IRF4: variants seen among roughly 807,000 people sequenced by gnomAD.
IRF4 encodes the protein lymphocyte-specific interferon regulatory factor.
A neutral mutation model predicts 55.5 loss-of-function variants in IRF4; 13 were observed. The ratio of observed to expected loss-of-function variants is 0.23; its 90% confidence interval spans 0.15 to 0.37. The LOEUF (loss-of-function observed/expected upper bound fraction) is 0.37. Among genes scored for constraint, IRF4 ranks in the 10% least tolerant of loss-of-function variants. IRF4 has a pLI of 1.00. For missense variants in IRF4, 397 were observed against 593.8 expected (o/e 0.67, Z 3.44); for synonymous variants, 249 against 240.7 (o/e 1.03, Z -0.32).
At chr6:397,602 T>C (rs1433421610) in intron 5 of IRF4, 3 of 219,666 alleles carry the variant, frequency 1.4e-5, no homozygotes, top group Non-Finnish European at 1.8e-5. Flanking sequence ...TGAGCTGGTA[T>C]ATTTCTCTCG....
chr6:396,203 A>T (rs913034322), intron 4 of IRF4: 1 of 473,430 alleles, frequency 2.1e-6, no homozygotes, highest in Non-Finnish European at 3.8e-6. Flanking sequence ...GTTTTGTGGA[A>T]GTGGAAGATT....
At chr6:398,175 T>C (rs1761315714) in intron 5 of IRF4, among the ~76,000 whole-genome samples, 1 of 152,222 alleles carries the variant, frequency 6.6e-6, no homozygotes, top group African/African-American at 2.4e-5. Context: ...CTCCTGAAAT[T>C]CAGACTTGCG....
chr6:408,477 C>A lies in IRF4; in HGVS notation c.*879C>A, dbSNP rs1001397458. The A allele has an allele frequency of 2.6e-5, 6 of 229,780 alleles. No homozygotes were observed. The highest frequency in any genetic ancestry group is 2.3e-4 in the Admixed American group (4 of 17,626). The allele number at this position is 229,780 out of a possible 1,614,324, so 14.2% of individuals were successfully genotyped here. A position where few individuals can be genotyped will look rare whatever the true frequency, so the allele number is the denominator to read the frequency against. On this transcript the variant is annotated 3_prime_UTR_variant, in exon 9 of 9. Coordinates refer to ENST00000380956, the MANE Select transcript of IRF4 (RefSeq NM_002460.4). ...CTTGAGTCAAAAAACATGAGCGCTACTCTTGGATGGGACATTTTTGTCTGT... is the reference window on the plus strand; with the variant it reads ...CTTGAGTCAAAAAACATGAGCGCTAATCTTGGATGGGACATTTTTGTCTGT...
chr6:393,779 C>A lies in IRF4; in HGVS notation c.216+411C>A, dbSNP rs1029157111. ...CTCCGTGCGTCCGCGCCTGTGCCGG[C>A]GGCTGTTTTCGTCTCTCACCGCGTC... is the stretch of plus-strand genomic sequence containing the variant. On this transcript the variant is annotated intron_variant, in intron 2 of 8. Coordinates refer to ENST00000380956, the MANE Select transcript of IRF4 (RefSeq NM_002460.4). This position sits in a 1 kb window ranked among gnomAD's most constrained non-coding sequence, Gnocchi z 5.4. Among the ~76,000 whole-genome samples the A allele has an allele frequency of 6.6e-6, 1 of 152,202 alleles. No individual in the cohort carries two copies. The highest frequency in any genetic ancestry group is 2.4e-5 in the African/African-American group (1 of 41,438).
Position 401,695 on chromosome 6 carries a change from C to G in IRF4, c.1017C>G (p.Pro339=), listed in dbSNP as rs2127440246. The stretch of plus-strand genomic sequence containing the variant: ...AGAGCAGGATCTACTGGGACGGGCC[C>G]CTGGCGCTGTGCAACGACCGGCCCA... ...LCQSRIYWDG[P]LALCNDRPNK... is the part of the protein sequence containing the mutation. The change falls in exon 7 of 9, where the codon CCC becomes CCG. Residue 339 remains proline, a synonymous_variant. Transcript: ENST00000380956. 6.2e-7 allele frequency: 1 copy of G among 1,614,228 alleles called. No homozygotes were observed. Among genetic ancestry groups the G allele is most frequent in the Non-Finnish European group, 8.5e-7 (1 of 1,180,046 alleles).
At position 411,334 on chromosome 6, in the gene IRF4, C is replaced by A. The variant is rs1287201207; in HGVS notation, c.*3736C>A. 2 of 220,088 alleles carry A rather than the reference C, an allele frequency of 9.1e-6. No homozygotes were observed. The highest frequency in any genetic ancestry group is 1.8e-5 in the Non-Finnish European group (2 of 109,680). 13.6% of individuals were successfully genotyped at this position (220,088 alleles called of 1,614,324 possible). On this transcript the variant is annotated 3_prime_UTR_variant, in exon 9 of 9. Transcript: ENST00000380956. ...ACAAACTGAGGTAGATAATGCTATGCTGTCGTTGGTATACATCATGAATTT... is the reference window on the plus strand; with the variant it reads ...ACAAACTGAGGTAGATAATGCTATGATGTCGTTGGTATACATCATGAATTT...
chr6:394,027 C>T (rs1484836626), intron 2 of IRF4, among the ~76,000 whole-genome samples: 1 of 152,194 alleles, frequency 6.6e-6, no homozygotes, highest in Non-Finnish European at 1.5e-5. Flanking sequence ...ACACGTGTGT[C>T]GTTGTTACGA....
rs1408206247 is a variant in IRF4 at position 409,152 on chromosome 6, A to G, written c.*1554A>G. ...TTTTAAATTCATTCAACAAGCACCT[A>G]GTAAGTGCCTGCTGTATCCCTACAT... On this transcript the variant is annotated 3_prime_UTR_variant, in exon 9 of 9. Coordinates refer to ENST00000380956, the MANE Select transcript of IRF4 (RefSeq NM_002460.4). 2 of 210,224 alleles carry G rather than the reference A, an allele frequency of 9.5e-6. No homozygotes were observed. The allele number at this position is 210,224 out of a possible 1,614,324, so 13.0% of individuals were successfully genotyped here. A position where few individuals can be genotyped will look rare whatever the true frequency, so the allele number is the denominator to read the frequency against.
rs1561722785 is a variant in IRF4, at chr6:409,962, T to G, written c.*2364T>G. 4.4e-6 allele frequency: 1 copy of G among 229,592 alleles called. No homozygotes were observed. Among genetic ancestry groups the G allele is most frequent in the East Asian group, 6.2e-5 (1 of 16,230 alleles). The allele number at this position is 229,592 out of a possible 1,614,324, so 14.2% of individuals were successfully genotyped here. A position where few individuals can be genotyped will look rare whatever the true frequency, so the allele number is the denominator to read the frequency against. ...ATGCTTCTTGGCTGGGGCCACTACC[T>G]CCTTTCCTATCTTTACATCTATGTG... On this transcript the variant is annotated 3_prime_UTR_variant, in exon 9 of 9. Coordinates refer to ENST00000380956, the MANE Select transcript of IRF4 (RefSeq NM_002460.4).
chr6:393,152 C>A lies in IRF4; in HGVS notation c.-1C>A. 1 of 1,548,644 alleles carries A rather than the reference C, an allele frequency of 6.5e-7. No individual in the cohort carries two copies. The highest frequency in any genetic ancestry group is 8.7e-7 in the Non-Finnish European group (1 of 1,146,010). ...GCGCGGGCGCGGACGGCACGCGGGG[C>A]ATGAACCTGGAGGGCGGCGGCCGAG... On this transcript the variant is annotated 5_prime_UTR_variant, in exon 2 of 9. Transcript: ENST00000380956. This position sits in a 1 kb window ranked among gnomAD's most constrained non-coding sequence, Gnocchi z 5.4.
Position 408,357 on chromosome 6 carries a change from G to A in IRF4, c.*759G>A, listed in dbSNP as rs537580541. On this transcript the variant is annotated 3_prime_UTR_variant, in exon 9 of 9. Coordinates refer to ENST00000380956, the MANE Select transcript of IRF4 (RefSeq NM_002460.4). ...GGAGGCCCATCCCCCACCTGCCAGC[G>A]GTTTCCTGGTGTGGGTCCCTCTGCC... 4.3e-6 allele frequency: 1 copy of A among 231,752 alleles called. No homozygotes were observed. The highest frequency in any genetic ancestry group is 2.2e-5 in the African/African-American group (1 of 45,346). 14.4% of individuals were successfully genotyped at this position (231,752 alleles called of 1,614,324 possible). A position where few individuals can be genotyped will look rare whatever the true frequency, so the allele number is the denominator to read the frequency against.
In IRF4 at chr6:407,552, C is replaced by T. The variant is rs1011269643; in HGVS notation, c.1310C>T (p.Pro437Leu). ...GYDLPEHISN[P>L]EDYHRSIRHS... ...GATTTACCAGAACACATCAGCAATC[C>T]AGAAGATTACCACAGATCTATCCGC... Residue 437 changes from proline to leucine, a missense_variant, in exon 9 of 9, where the codon CCA becomes CTA. Physicochemically the swap from Pro to Leu is moderately conservative, Grantham distance 98. Around this residue, in one of 3 missense-constraint regions of IRF4, gnomAD observed 341 missense variants for 548.1 expected, o/e 0.62. Coordinates refer to ENST00000380956, the MANE Select transcript of IRF4 (RefSeq NM_002460.4). 1 of 1,612,664 alleles carries T rather than the reference C, an allele frequency of 6.2e-7. No individual in the cohort carries two copies. The highest frequency in any genetic ancestry group is 8.5e-7 in the Non-Finnish European group (1 of 1,179,572).
At chr6:401,185 T>C (rs769045383) in intron 6 of IRF4, among the ~76,000 whole-genome samples, 6 of 152,194 alleles carry the variant, frequency 3.9e-5, no homozygotes, top group Non-Finnish European at 5.9e-5. Context: ...ACAGATTAAA[T>C]GGGTTTCTTT....
Position 409,878 on chromosome 6 carries a change from T to A in IRF4, c.*2280T>A, listed in dbSNP as rs903323482. On this transcript the variant is annotated 3_prime_UTR_variant, in exon 9 of 9. Transcript: ENST00000380956. ...CCATTTCAATTGCTTTGTGACTTCT[T>A]CTTCTTTGTTTTTTTAAATATTATG... 5 of 229,308 alleles carry A rather than the reference T, an allele frequency of 2.2e-5. No homozygotes were observed. Among genetic ancestry groups the A allele is most frequent in the African/African-American group, 2.2e-5 (1 of 45,142 alleles). 14.2% of individuals were successfully genotyped at this position (229,308 alleles called of 1,614,324 possible). A position where few individuals can be genotyped will look rare whatever the true frequency, so the allele number is the denominator to read the frequency against.
intron 8 of IRF4, chr6:406,639 G>A: frequency 4.3e-6 from 1 of 234,334 alleles, no homozygotes; most frequent in Non-Finnish European, 7.8e-6. Context: ...CTCTAAGTCA[G>A]GGAAAGATGG....
intron 7 of IRF4, among the ~76,000 whole-genome samples, chr6:403,443 G>A (rs901668445): frequency 6.6e-6 from 1 of 152,250 alleles, no homozygotes; most frequent in African/African-American, 2.4e-5. Context: ...CAAGGAACTG[G>A]CACTGGCTTT....
In IRF4 at chr6:406,522, A is replaced by T. The variant is rs1418986436; in HGVS notation, c.1213-933A>T. Among the ~76,000 whole-genome samples the T allele has an allele frequency of 9.3e-5, 14 of 151,264 alleles. No homozygotes were observed. In the Admixed American group the frequency reaches 9.3e-4, roughly 10 times the overall value. On this transcript the variant is annotated intron_variant, in intron 8 of 8. Coordinates refer to ENST00000380956, the MANE Select transcript of IRF4 (RefSeq NM_002460.4). ...GCACCACTGCACTCCAGCCTGGGTG[A>T]CAGAGTGAGACTCTGTCTCAAAAAA...
chr6:393,432 C>T lies in IRF4; in HGVS notation c.216+64C>T. Reference sequence around the variant, plus strand: ...GGGCCCAGAGACAGAGCCCGGGGTCCCCGGCGCCGCCTCCGAGGCGAGCCC... The same window carrying T: ...GGGCCCAGAGACAGAGCCCGGGGTCTCCGGCGCCGCCTCCGAGGCGAGCCC... On this transcript the variant is annotated intron_variant, in intron 2 of 8. Coordinates refer to ENST00000380956, the MANE Select transcript of IRF4 (RefSeq NM_002460.4). The surrounding 1 kb of genome is among the most constrained non-coding windows in gnomAD (Gnocchi z 5.4). The T allele has an allele frequency of 1.7e-6, 2 of 1,197,228 alleles. No individual in the cohort carries two copies. Among genetic ancestry groups the T allele is most frequent in the Non-Finnish European group, 2.2e-6 (2 of 905,772 alleles). The allele number at this position is 1,197,228 out of a possible 1,614,324, so 74.2% of individuals were successfully genotyped here.
rs761079084 is a variant in IRF4, at chr6:395,813, C to T, written c.404-34C>T. ...TTAGTTAGGTCAGTTCCTGTTTTTA[C>T]GTTGTGCCATTTCCCTTTTCCCCAA... On this transcript the variant is annotated intron_variant, in intron 3 of 8. Transcript: ENST00000380956. 3.1e-5 allele frequency: 48 copies of T among 1,526,210 alleles called. No homozygotes were observed. In the Admixed American group the frequency reaches 4.6e-4, roughly 15 times the overall value. 94.5% of individuals were successfully genotyped at this position (1,526,210 alleles called of 1,614,324 possible).
Sources: allele counts gnomAD v4.1 joint callset (sites outside exome capture counted in the v4.1 genomes callset), GRCh38; gene constraint gnomAD v4.1.1; regional missense constraint gnomAD v4.1.1; non-coding constraint Gnocchi (gnomAD v3.1); transcripts MANE v1.5; gene names NCBI Gene and HGNC (gene_info 2026-07-23, HGNC 2026-07-21).